Variants in RHOBTB2 observed in about 807,000 individuals in gnomAD.
RHOBTB2 encodes rho-related BTB domain-containing protein 2.
Under a neutral mutation model 66.5 loss-of-function variants are expected in RHOBTB2, and 39 were observed. The observed-to-expected ratio is 0.59, with a 90% CI of 0.45 to 0.77. The LOEUF (loss-of-function observed/expected upper bound fraction) is 0.77. RHOBTB2 is among the 30% of genes least tolerant of loss of function. The pLI is 0.00. For missense variants in RHOBTB2, 755 were observed against 999.1 expected (o/e 0.76, Z 3.29); for synonymous variants, 390 against 395.0 (o/e 0.99, Z 0.15).
rs1015734687 is a variant in RHOBTB2 at position 23,018,164 on chromosome 8, G to A, written c.*695G>A. On this transcript the variant is annotated 3_prime_UTR_variant, in exon 10 of 10. Transcript: ENST00000251822. ...AGGCCTGGAAGCAGTGCCTCTTGGT[G>A]CAACAAGAAACTTCTCCCTCACCCC... 1 of 152,426 alleles carries A rather than the reference G, an allele frequency of 6.6e-6. No homozygotes were observed. Among genetic ancestry groups the A allele is most frequent in the East Asian group, 1.9e-4 (1 of 5,192 alleles). 9.4% of individuals were successfully genotyped at this position (152,426 alleles called of 1,614,324 possible).
chr8:22,984,263 C>T (rs920884923), upstream of RHOBTB2, among the ~76,000 whole-genome samples: 15 of 152,182 alleles, frequency 9.9e-5, no homozygotes, highest in Admixed American at 5.2e-4. Context: ...AAGACAATAT[C>T]ACCATCAAAT....
chr8:22,994,526 G>GCC (rs1810496529), intron 2 of RHOBTB2: 4 of 1,337,692 alleles, frequency 3.0e-6, no homozygotes, highest in Non-Finnish European at 4.2e-6. Flanking sequence ...TGTCTCCCCT[G>GCC]CCCCGCCCCA....
In RHOBTB2 at chr8:23,004,551, C is replaced by T. The variant is rs752781586; in HGVS notation, c.117C>T (p.Thr39=). 6.2e-6 allele frequency: 10 copies of T among 1,614,080 alleles called. No individual in the cohort carries two copies. The highest frequency in any genetic ancestry group is 8.5e-6 in the Non-Finnish European group (10 of 1,180,046). Residue 39 remains threonine, a synonymous_variant, in exon 2 of 10, where the codon ACC becomes ACT. Coordinates refer to ENST00000251822, the MANE Select transcript of RHOBTB2 (RefSeq NM_015178.3). The surrounding 1 kb of genome is among the most constrained non-coding windows in gnomAD (Gnocchi z 6.4). Reference sequence around the variant, plus strand: ...TCTGTGCCCGCGCTTGCAATGCCACCCTCACCCAGTACCAGCTGCTGGCCA... The same window carrying T: ...TCTGTGCCCGCGCTTGCAATGCCACTCTCACCCAGTACCAGCTGCTGGCCA... ...RLICARACNA[T]LTQYQLLATH...
chr8:23,007,525 G>T lies in RHOBTB2; in HGVS notation c.1280G>T (p.Arg427Leu), dbSNP rs909105303. ...AGTTCCATCCAGCCGGGGCCCTTCC[G>T]GGCTGTCCTCAAGTACCTGTACACG... ...MDSSIQPGPF[R>L]AVLKYLYTGE... Residue 427 changes from arginine to leucine, a missense_variant, in exon 5 of 10, where the codon CGG becomes CTG. Arg to Leu is a moderately radical substitution (Grantham distance 102). Around this residue, in one of 7 missense-constraint regions of RHOBTB2, gnomAD observed 353 missense variants for 458.2 expected, o/e 0.77. Transcript: ENST00000251822. The T allele has an allele frequency of 6.2e-7, 1 of 1,614,002 alleles. No individual in the cohort carries two copies. Among genetic ancestry groups the T allele is most frequent in the African/African-American group, 1.3e-5 (1 of 74,912 alleles).
chr8:22,986,754 C>T (rs948944883), upstream of RHOBTB2, among the ~76,000 whole-genome samples: 2 of 152,202 alleles, frequency 1.3e-5, no homozygotes, highest in Non-Finnish European at 2.9e-5. Flanking sequence ...ATAGGACTCA[C>T]AAAAAGGTAA....
the RHOBTB2 span, among the ~76,000 whole-genome samples, chr8:22,954,273 G>T: frequency 6.6e-6 from 1 of 152,216 alleles, no homozygotes; most frequent in Non-Finnish European, 1.5e-5. Context: ...TCCACAGCAG[G>T]AAAGGGAATG....
At chr8:23,012,049 G>A (rs1811164572) in intron 7 of RHOBTB2, among the ~76,000 whole-genome samples, 1 of 152,176 alleles carries the variant, frequency 6.6e-6, no homozygotes, top group Non-Finnish European at 1.5e-5. Flanking sequence ...GGGAACTTTG[G>A]GGCAGGTAGC....
intron 7 of RHOBTB2, among the ~76,000 whole-genome samples, chr8:23,011,254 A>G (rs1267784280): frequency 6.6e-6 from 1 of 152,214 alleles, no homozygotes; most frequent in Non-Finnish European, 1.5e-5. Flanking sequence ...ACTGTGTCTC[A>G]AAAACAAACA....
chr8:22,975,208 C>A, the RHOBTB2 span, among the ~76,000 whole-genome samples: 5 of 152,184 alleles, frequency 3.3e-5, no homozygotes, highest in South Asian at 2.1e-4. Flanking sequence ...GCCCTCTCCC[C>A]TCTGATGCTG....
At chr8:22,974,880 G>A in the RHOBTB2 span, among the ~76,000 whole-genome samples, 9 of 152,080 alleles carry the variant, frequency 5.9e-5, no homozygotes, top group Non-Finnish European at 7.4e-5. Flanking sequence ...TTAAAGACCC[G>A]CGCATAAAAT....
At chr8:22,998,131 G>A (rs139657012), upstream of RHOBTB2, among the ~76,000 whole-genome samples, 1 of 152,214 alleles carries the variant, frequency 6.6e-6, no homozygotes, top group Non-Finnish European at 1.5e-5. Context: ...TGACCAGGTA[G>A]GTAGGCACGT....
At chr8:22,981,702 T>TG in the RHOBTB2 span, among the ~76,000 whole-genome samples, 1 of 151,962 alleles carries the variant, frequency 6.6e-6, no homozygotes, top group African/African-American at 2.4e-5. Flanking sequence ...AGCTGCCCTG[T>TG]CCCCCCACTG....
upstream of RHOBTB2, chr8:22,994,588 A>C (rs1306743782): frequency 1.7e-5 from 27 of 1,551,320 alleles, no homozygotes; most frequent in Admixed American, 7.8e-5. Flanking sequence ...AGAGCGATGC[A>C]AGCCTGGAGA....
intron 6 of RHOBTB2, among the ~76,000 whole-genome samples, chr8:23,009,478 C>T (rs1009546988): frequency 6.6e-6 from 1 of 152,146 alleles, no homozygotes; most frequent in African/African-American, 2.4e-5. Context: ...TTGTAGTTAA[C>T]GAGGTTCGAC....
intron 9 of RHOBTB2, among the ~76,000 whole-genome samples, chr8:23,016,569 G>A (rs571179582): frequency 2.6e-5 from 4 of 152,114 alleles, no homozygotes; most frequent in African/African-American, 9.6e-5. Flanking sequence ...CCACCACCAT[G>A]CCTGGCTAAT....
the RHOBTB2 span, among the ~76,000 whole-genome samples, chr8:22,955,322 C>T: frequency 2.0e-4 from 30 of 152,274 alleles, no homozygotes; most frequent in African/African-American, 6.7e-4. Flanking sequence ...GCCCCTGCAC[C>T]GCCTTTCGGA....
intron 7 of RHOBTB2, 68 bp from the exon 8 acceptor site, chr8:23,014,622 A>G: frequency 3.6e-6 from 5 of 1,379,478 alleles, no homozygotes; most frequent in Non-Finnish European, 4.1e-6. Context: ...GAGCTGGGGG[A>G]TGTGGTGGGG....
At chr8:22,958,076 C>T in the RHOBTB2 span, among the ~76,000 whole-genome samples, 1 of 152,236 alleles carries the variant, frequency 6.6e-6, no homozygotes, top group Non-Finnish European at 1.5e-5. Flanking sequence ...TGTAGACGTG[C>T]ACTGGCTCTT....
the RHOBTB2 span, among the ~76,000 whole-genome samples, chr8:22,956,943 A>T: frequency 1.3e-5 from 2 of 152,190 alleles, no homozygotes. Context: ...TACAGGCATG[A>T]GCTACGGTGC....
Sources: gnomAD v4.1 joint callset for allele counts (sites outside exome capture counted in the v4.1 genomes callset) on GRCh38, gnomAD v4.1.1 for gene constraint, gnomAD v4.1.1 regional missense constraint, Gnocchi (gnomAD v3.1) non-coding constraint, MANE v1.5 for transcripts, NCBI Gene and HGNC (gene_info 2026-07-23, HGNC 2026-07-21) for gene names.